Variants in QTMAN observed in about 807,000 individuals in gnomAD.
QTMAN encodes the protein tRNA-queuosine alpha-mannosyltransferase.
the QTMAN span, among the ~76,000 whole-genome samples, chr2:144,024,393 GTATACACTATTC>G: frequency 6.6e-6 from 1 of 152,170 alleles, no homozygotes; most frequent in Non-Finnish European, 1.5e-5. Flanking sequence ...AAAAGGTTAT[GTATACACTATTC>G]TATGCTTTTC....
the QTMAN span, among the ~76,000 whole-genome samples, chr2:144,243,298 ATCT>A: frequency 3.5e-4 from 54 of 152,306 alleles, no homozygotes; most frequent in African/African-American, 1.3e-3. Flanking sequence ...GCTGTATAAC[ATCT>A]TCTTCTTTAG....
At chr2:144,052,754 C>T in the QTMAN span, among the ~76,000 whole-genome samples, 23 of 152,128 alleles carry the variant, frequency 1.5e-4, no homozygotes, top group African/African-American at 4.8e-4. Context: ...TGGGTTCAAG[C>T]GATTCTCCTG....
chr2:144,247,139 G>A, the QTMAN span, among the ~76,000 whole-genome samples: 1 of 152,162 alleles, frequency 6.6e-6, no homozygotes, highest in African/African-American at 2.4e-5. Context: ...AAGTTCCTAG[G>A]TTAAGAGCAA....
chr2:144,036,362 T>G, the QTMAN span, among the ~76,000 whole-genome samples: 1 of 152,212 alleles, frequency 6.6e-6, no homozygotes, highest in Non-Finnish European at 1.5e-5. Context: ...TTTTCAATAG[T>G]TCTTCTTTAT....
At chr2:144,122,122 T>A in the QTMAN span, among the ~76,000 whole-genome samples, 2 of 152,256 alleles carry the variant, frequency 1.3e-5, no homozygotes, top group South Asian at 4.1e-4. Flanking sequence ...GGCACTATTG[T>A]TTAAAATAAG....
the QTMAN span, among the ~76,000 whole-genome samples, chr2:144,034,742 T>C: frequency 3.3e-5 from 5 of 152,216 alleles, no homozygotes; most frequent in African/African-American, 1.2e-4. Flanking sequence ...CAATGTCAGT[T>C]TGAAAATTTC....
the QTMAN span, among the ~76,000 whole-genome samples, chr2:143,971,515 G>A: frequency 6.6e-6 from 1 of 151,776 alleles, no homozygotes; most frequent in Non-Finnish European, 1.5e-5. Flanking sequence ...TAGAATGAGA[G>A]GCTAAAGGAC....
the QTMAN span, among the ~76,000 whole-genome samples, chr2:144,134,493 C>T: frequency 1.3e-5 from 2 of 152,098 alleles, no homozygotes; most frequent in Non-Finnish European, 2.9e-5. Flanking sequence ...AGCAGAAATG[C>T]TCTTTATATA....
the QTMAN span, among the ~76,000 whole-genome samples, chr2:144,041,356 A>G: frequency 2.0e-5 from 3 of 152,290 alleles, no homozygotes; most frequent in African/African-American, 4.8e-5. Flanking sequence ...AATCAGTGTA[A>G]TTTTATGAAA....
chr2:143,942,055 CT>C, the QTMAN span: 1 of 165,574 alleles, frequency 6.0e-6, no homozygotes, highest in Non-Finnish European at 1.5e-5. Flanking sequence ...ACCAATATTC[CT>C]AGGGGTCACA....
chr2:144,332,245 A>AGC, the QTMAN span, among the ~76,000 whole-genome samples: 222 of 151,520 alleles, frequency 1.5e-3, no homozygotes, highest in African/African-American at 4.8e-3. Context: ...GCGCCCGGGA[A>AGC]GCGCGCGGCT....
chr2:143,942,359 A>G, the QTMAN span: 1 of 167,190 alleles, frequency 6.0e-6, no homozygotes, highest in African/African-American at 2.4e-5. Flanking sequence ...ACATGCAGCA[A>G]GGGCATCCCA....
the QTMAN span, among the ~76,000 whole-genome samples, chr2:144,198,106 G>A: frequency 6.6e-6 from 1 of 152,004 alleles, no homozygotes; most frequent in Admixed American, 6.6e-5. Flanking sequence ...GCACACACCT[G>A]TACTAGCTAG....
the QTMAN span, among the ~76,000 whole-genome samples, chr2:144,047,743 C>T: frequency 2.9e-4 from 44 of 152,264 alleles, no homozygotes; most frequent in Admixed American, 7.8e-4. Context: ...CAGTACATTA[C>T]TATTATGGTT....
the QTMAN span, among the ~76,000 whole-genome samples, chr2:144,099,218 C>T: frequency 6.6e-6 from 1 of 152,196 alleles, no homozygotes; most frequent in Admixed American, 6.5e-5. Flanking sequence ...GACAGTATCT[C>T]ACCACAATGT....
chr2:144,065,187 C>T, the QTMAN span, among the ~76,000 whole-genome samples: 14 of 152,144 alleles, frequency 9.2e-5, no homozygotes, highest in South Asian at 2.5e-3. Flanking sequence ...TGTGCTCTAC[C>T]GAACACTAAT....
chr2:143,954,594 T>C, the QTMAN span, among the ~76,000 whole-genome samples: 1 of 152,188 alleles, frequency 6.6e-6, no homozygotes, highest in East Asian at 1.9e-4. Context: ...ATGTTAGTCA[T>C]GGTTATATTT....
the QTMAN span, among the ~76,000 whole-genome samples, chr2:144,323,477 T>C: frequency 6.6e-6 from 1 of 152,168 alleles, no homozygotes; most frequent in African/African-American, 2.4e-5. Context: ...ATTTCTAGAA[T>C]GCTTAGTTTC....
At chr2:144,182,861 A>ATATTTTAT in the QTMAN span, among the ~76,000 whole-genome samples, 16 of 66,738 alleles carry the variant, frequency 2.4e-4, no homozygotes, top group African/African-American at 1.3e-3. Context: ...TTTTATATAT[A>ATATTTTAT]ATATATATAT....
Sources: allele counts gnomAD v4.1 joint callset (sites outside exome capture counted in the v4.1 genomes callset), GRCh38; gene constraint gnomAD v4.1.1; transcripts MANE v1.5; gene names NCBI Gene and HGNC (gene_info 2026-07-23, HGNC 2026-07-21).